Variants in VPS13B observed in about 807,000 individuals in gnomAD.
The protein encoded by VPS13B is vacuolar protein sorting 13 homolog B, also known as intermembrane lipid transfer protein VPS13B.
Under a neutral mutation model 426.4 loss-of-function variants are expected in VPS13B, and 285 were observed. The ratio of observed to expected loss-of-function variants is 0.67; its 90% confidence interval spans 0.61 to 0.74. The LOEUF (loss-of-function observed/expected upper bound fraction) is 0.74. Ranked by LOEUF, VPS13B falls within the 30% of genes least tolerant of loss-of-function variation. The pLI, the probability that VPS13B is intolerant of heterozygous loss-of-function variation, is 0.00. For synonymous variants in VPS13B, 1,676 were observed against 1,676.4 expected (o/e 1.00, Z 0.01); for missense variants, 4,537 against 4,782.6 (o/e 0.95, Z 1.51).
chr8:99,243,658 C>A (rs1817051206), intron 17 of VPS13B, among the ~76,000 whole-genome samples: 1 of 152,008 alleles, frequency 6.6e-6, no homozygotes, highest in Non-Finnish European at 1.5e-5. Context: ...CTAAAAGAAT[C>A]TTTTATTACT....
intron 39 of VPS13B, among the ~76,000 whole-genome samples, chr8:99,751,294 A>G (rs1810382020): frequency 6.6e-6 from 1 of 152,064 alleles, no homozygotes; most frequent in Non-Finnish European, 1.5e-5. Flanking sequence ...CCTACTTTTC[A>G]TCAGCTCTAC....
chr8:99,351,212 A>G lies in VPS13B; in HGVS notation c.2825-32996A>G, dbSNP rs1372201235. The stretch of plus-strand genomic sequence containing the variant: ...CTCTTAATTATGTTTATTTTACAGC[A>G]TTTGTTGCCTTATGTCAGGTTTCTC... On this transcript the variant is annotated intron_variant, in intron 19 of 61. Coordinates refer to ENST00000357162, the MANE Select transcript of VPS13B (RefSeq NM_152564.5). 2.0e-5 allele frequency among the ~76,000 whole-genome samples: 3 copies of G among 152,162 alleles called. No homozygotes were observed. In the East Asian group the frequency reaches 5.8e-4, roughly 29 times the overall value.
At chr8:99,412,287 T>A (rs1205707350) in intron 21 of VPS13B, among the ~76,000 whole-genome samples, 2 of 152,240 alleles carry the variant, frequency 1.3e-5, no homozygotes, top group Non-Finnish European at 2.9e-5. Flanking sequence ...GTCCTTCACA[T>A]CCCTTGTAAG....
intron 8 of VPS13B, among the ~76,000 whole-genome samples, chr8:99,124,154 A>G (rs566362121): frequency 1.3e-5 from 2 of 152,308 alleles, no homozygotes; most frequent in Admixed American, 1.3e-4. Context: ...AGAGACTGGA[A>G]GGTAAGTACC....
chr8:99,509,980 G>A (rs1821699980), intron 28 of VPS13B, among the ~76,000 whole-genome samples: 1 of 152,088 alleles, frequency 6.6e-6, no homozygotes, highest in African/African-American at 2.4e-5. Flanking sequence ...AGCTAATTGA[G>A]ATAGTTTTAA....
chr8:99,647,690 A>T (rs1336902700), intron 34 of VPS13B, among the ~76,000 whole-genome samples: 1 of 152,194 alleles, frequency 6.6e-6, no homozygotes, highest in African/African-American at 2.4e-5. Context: ...TATTTATCTC[A>T]TTAATTTGTA....
intron 17 of VPS13B, among the ~76,000 whole-genome samples, chr8:99,238,509 G>A (rs1291484580): frequency 6.6e-6 from 1 of 152,160 alleles, no homozygotes; most frequent in Non-Finnish European, 1.5e-5. Flanking sequence ...GCTGATAAAA[G>A]TAGAATAAAT....
At chr8:99,612,114 T>C (rs1182636218) in intron 33 of VPS13B, among the ~76,000 whole-genome samples, 1 of 152,144 alleles carries the variant, frequency 6.6e-6, no homozygotes, top group Non-Finnish European at 1.5e-5. Context: ...TCAACCCAGA[T>C]TTTATGTCTA....
intron 58 of VPS13B, among the ~76,000 whole-genome samples, chr8:99,866,130 C>T (rs1461550602): frequency 6.6e-5 from 10 of 152,264 alleles, no homozygotes; most frequent in Admixed American, 1.3e-4. Context: ...GCCCACCCCA[C>T]GGGCCTGAGG....
chr8:99,731,259 A>G (rs980561103), intron 39 of VPS13B, among the ~76,000 whole-genome samples: 13 of 152,142 alleles, frequency 8.5e-5, no homozygotes, highest in Admixed American at 2.0e-4. Context: ...CCAAGCACCA[A>G]ACTTGTCATT....
chr8:99,429,205 C>T (rs1452156845), intron 21 of VPS13B, among the ~76,000 whole-genome samples: 1 of 150,980 alleles, frequency 6.6e-6, no homozygotes, highest in African/African-American at 2.4e-5. Flanking sequence ...GGGTGCAGCC[C>T]ACCAACATGG....
At chr8:99,726,776 G>A (rs180681758) in intron 39 of VPS13B, among the ~76,000 whole-genome samples, 21 of 152,214 alleles carry the variant, frequency 1.4e-4, no homozygotes, top group African/African-American at 3.1e-4. Flanking sequence ...GGCTGGTCTC[G>A]AACTCCCGAC....
intron 7 of VPS13B, chr8:99,120,400 C>G (rs963010279): frequency 6.6e-6 from 1 of 152,034 alleles, no homozygotes; most frequent in Non-Finnish European, 1.5e-5. Context: ...TTCATGATGC[C>G]TCTTTTGTTT....
chr8:99,764,009 T>C (rs973477762), intron 39 of VPS13B, among the ~76,000 whole-genome samples: 4 of 152,192 alleles, frequency 2.6e-5, no homozygotes, highest in Non-Finnish European at 5.9e-5. Flanking sequence ...GAATTACTTA[T>C]TTAGGAAAGA....
intron 35 of VPS13B, chr8:99,697,815 G>A: frequency 1.7e-6 from 1 of 603,088 alleles, no homozygotes; most frequent in Non-Finnish European, 3.2e-6. Flanking sequence ...ATTCCAGAAA[G>A]CAAGCTCACC....
intron 39 of VPS13B, among the ~76,000 whole-genome samples, chr8:99,738,019 A>T (rs1192137067): frequency 6.6e-6 from 1 of 152,220 alleles, no homozygotes; most frequent in Non-Finnish European, 1.5e-5. Flanking sequence ...TACTTTGGGG[A>T]GTCTCACTAT....
At chr8:99,303,094 C>G (rs1428989117) in intron 19 of VPS13B, among the ~76,000 whole-genome samples, 1 of 151,714 alleles carries the variant, frequency 6.6e-6, no homozygotes, top group Non-Finnish European at 1.5e-5. Context: ...TCCTGGCTAA[C>G]ACGGTGAAAC....
rs1027815193 is a variant in VPS13B at position 99,190,517 on chromosome 8, G to A, written c.2334-2359G>A. On this transcript the variant is annotated intron_variant, in intron 16 of 61. Coordinates refer to ENST00000357162, the MANE Select transcript of VPS13B (RefSeq NM_152564.5). Reference sequence around the variant, plus strand: ...TCATAACTTTATTTAGATTCATTCCGTTTCATCCTCTCTATTCCATTCTTA... The same window carrying A: ...TCATAACTTTATTTAGATTCATTCCATTTCATCCTCTCTATTCCATTCTTA... Among the ~76,000 whole-genome samples, 3 of 151,576 alleles carry A rather than the reference G, an allele frequency of 2.0e-5. No homozygotes were observed. The East Asian group carries it at 5.8e-4, about 29-fold the overall frequency.
At chr8:99,187,714 A>T (rs1490845093) in intron 16 of VPS13B, among the ~76,000 whole-genome samples, 1 of 152,180 alleles carries the variant, frequency 6.6e-6, no homozygotes, top group Non-Finnish European at 1.5e-5. Context: ...CATGCCTGTA[A>T]TCCCAACACT....
Sources: gnomAD v4.1 joint callset for allele counts (sites outside exome capture counted in the v4.1 genomes callset) on GRCh38, gnomAD v4.1.1 for gene constraint, MANE v1.5 for transcripts, NCBI Gene and HGNC (gene_info 2026-07-23, HGNC 2026-07-21) for gene names.